CHDH: variants seen among roughly 807,000 people sequenced by gnomAD.
CHDH encodes the protein choline dehydrogenase, also known as choline dehydrogenase, mitochondrial.
A neutral mutation model predicts 56.9 loss-of-function variants in CHDH; 43 were observed. The ratio of observed to expected loss-of-function variants is 0.76; its 90% confidence interval spans 0.59 to 0.97. The LOEUF is 0.97. Among genes scored for constraint, CHDH ranks in the 50% least tolerant of loss-of-function variants. CHDH has a pLI of 0.00. For synonymous variants in CHDH, 364 were observed against 348.5 expected, an observed-to-expected ratio of 1.04 and a Z score of -0.50; for missense variants, 816 against 821.1, an observed-to-expected ratio of 0.99 and a Z score of 0.08.
intron 3 of CHDH, 29 bp downstream of exon 3, chr3:53,823,277 T>A: frequency 6.8e-7 from 1 of 1,473,770 alleles, no homozygotes; most frequent in Non-Finnish European, 9.0e-7. Context: ...GGGGTAGTGC[T>A]TTTTTAAAAA....
In CHDH at chr3:53,819,633, G is replaced by A. The variant is rs142488912; in HGVS notation, c.1162C>T (p.Arg388Cys). The change falls in exon 7 of 9, where the codon CGC becomes TGC. Residue 388 changes from arginine (R) to cysteine (C), a missense_variant. By Grantham distance (180) the Arg-to-Cys change is radical (BLOSUM62 -3). Coordinates refer to ENST00000315251, the MANE Select transcript of CHDH (RefSeq NM_018397.5). The surrounding 1 kb of genome is among the most constrained non-coding windows in gnomAD (Gnocchi z 5.4). ...TAHLETGGFI[R>C]SQPGVPHPDI... ...GGGTGGGGGACCCCAGGCTGGCTGCGGATGAACCCACCTGTTTCCAGATGG... is the reference window on the plus strand; with the variant it reads ...GGGTGGGGGACCCCAGGCTGGCTGCAGATGAACCCACCTGTTTCCAGATGG... The A allele has an allele frequency of 2.4e-5, 38 of 1,611,504 alleles. No homozygotes were observed. The highest frequency in any genetic ancestry group is 1.1e-4 in the African/African-American group (8 of 74,784).
At chr3:53,833,105 G>A (rs1698387560) in intron 2 of CHDH, among the ~76,000 whole-genome samples, 1 of 152,196 alleles carries the variant, frequency 6.6e-6, no homozygotes, top group African/African-American at 2.4e-5. Context: ...AGGCACATGT[G>A]TGTTTGTTGT....
intron 4 of CHDH, 65 bp from the exon 5 acceptor site, chr3:53,821,841 G>A (rs904802840): frequency 1.7e-5 from 27 of 1,587,460 alleles, no homozygotes; most frequent in East Asian, 1.6e-4. Flanking sequence ...ACAGACCAGC[G>A]CCCTACTCTA....
intron 2 of CHDH, among the ~76,000 whole-genome samples, chr3:53,826,176 T>C (rs1311114168): frequency 6.6e-6 from 1 of 152,106 alleles, no homozygotes; most frequent in African/African-American, 2.4e-5. Flanking sequence ...TCACTGGTGA[T>C]TTCTATCAAC....
chr3:53,819,623 G>C lies in CHDH; in HGVS notation c.1172C>G (p.Pro391Arg), dbSNP rs771778664. 2.7e-5 allele frequency: 44 copies of C among 1,612,604 alleles called. No individual in the cohort carries two copies. Among genetic ancestry groups the C allele is most frequent in the Non-Finnish European group, 3.7e-5 (44 of 1,179,178 alleles). ...LETGGFIRSQ[P>R]GVPHPDIQFH... ...CTGGATGTCCGGGTGGGGGACCCCAGGCTGGCTGCGGATGAACCCACCTGT... is the reference window on the plus strand; with the variant it reads ...CTGGATGTCCGGGTGGGGGACCCCACGCTGGCTGCGGATGAACCCACCTGT... The change falls in exon 7 of 9, where the codon CCT (proline) becomes CGT (arginine). Residue 391 changes from proline (P) to arginine (R), a missense_variant. By Grantham distance (103) the Pro-to-Arg change is moderately radical. Transcript: ENST00000315251. This position sits in a 1 kb window ranked among gnomAD's most constrained non-coding sequence, Gnocchi z 5.4.
In CHDH at chr3:53,846,397, C is replaced by T. The variant is rs1395522379; in HGVS notation, c.-445G>A. 1.8e-6 allele frequency: 1 copy of T among 541,354 alleles called. No homozygotes were observed. Among genetic ancestry groups the T allele is most frequent in the Non-Finnish European group, 3.1e-6 (1 of 323,082 alleles). 33.5% of individuals were successfully genotyped at this position (541,354 alleles called of 1,614,324 possible). A position where few individuals can be genotyped will look rare whatever the true frequency, so the allele number is the denominator to read the frequency against. On this transcript the variant is annotated 5_prime_UTR_variant, in exon 1 of 9. Transcript: ENST00000315251. ...CCGCCAGCGCTCGGACACGGCCCAT[C>T]CCTCCGAGCCCCAGCAGGCGAGGGC...
rs201784791 is a variant in CHDH at position 53,823,811 on chromosome 3, G to A, written c.198C>T (p.Arg66=). The A allele has an allele frequency of 2.1e-4, 327 of 1,583,780 alleles. 1 individual carries two copies. The African/African-American group carries it at 3.8e-3, about 18-fold the overall frequency. Residue 66 remains arginine (R), a synonymous_variant, in exon 3 of 9, where the codon CGC becomes CGT. Transcript: ENST00000315251. ...TGGGCCCGGCCTCCAGCAGCAGCACGCGCTCGGCGGGGTCCTCCGTGAGCC... is the reference window on the plus strand; with the variant it reads ...TGGGCCCGGCCTCCAGCAGCAGCACACGCTCGGCGGGGTCCTCCGTGAGCC... ...AGRLTEDPAE[R]VLLLEAGPKD... is the part of the protein sequence containing the mutation.
intron 2 of CHDH, among the ~76,000 whole-genome samples, chr3:53,838,853 G>A (rs922580632): frequency 6.6e-6 from 1 of 152,140 alleles, no homozygotes; most frequent in Admixed American, 6.5e-5. Context: ...AGGCCTAGGG[G>A]GTAGTAGCTT....
chr3:53,822,673 G>C lies in CHDH; in HGVS notation c.704-31C>G, dbSNP rs1237822291. The C allele has an allele frequency of 1.9e-6, 3 of 1,591,886 alleles. No homozygotes were observed. The Admixed American group carries it at 5.0e-5, about 27-fold the overall frequency. On this transcript the variant is annotated intron_variant, in intron 3 of 8. Transcript: ENST00000315251. ...GGATGGAGTGAGGTGGTCAGGCATG[G>C]CTCCGCCCTCCCCTGGCACCTGGGC... is the stretch of plus-strand genomic sequence containing the variant.
Position 53,846,343 on chromosome 3 carries a change from G to A in CHDH, c.-391C>T, listed in dbSNP as rs1372499188. 2.2e-6 allele frequency: 1 copy of A among 451,684 alleles called. No homozygotes were observed. 28.0% of individuals were successfully genotyped at this position (451,684 alleles called of 1,614,324 possible). On this transcript the variant is annotated 5_prime_UTR_variant, in exon 1 of 9. Coordinates refer to ENST00000315251, the MANE Select transcript of CHDH (RefSeq NM_018397.5). ...CTCACTGCATGCACGTGTGCGCGGGGGTAGGCGCGCGCCGCGGCGGCCCGT... is the reference window on the plus strand; with the variant it reads ...CTCACTGCATGCACGTGTGCGCGGGAGTAGGCGCGCGCCGCGGCGGCCCGT...
intron 2 of CHDH, among the ~76,000 whole-genome samples, chr3:53,837,384 G>A (rs973189559): frequency 9.2e-5 from 14 of 152,244 alleles, no homozygotes; most frequent in African/African-American, 3.4e-4. Flanking sequence ...TAGCCCACCT[G>A]CCCTCTGGAT....
At chr3:53,834,950 T>G (rs1374868347) in intron 2 of CHDH, among the ~76,000 whole-genome samples, 1 of 152,232 alleles carries the variant, frequency 6.6e-6, no homozygotes, top group African/African-American at 2.4e-5. Context: ...TGCCTCAAAC[T>G]TGCTCAGCCT....
intron 2 of CHDH, 69 bp from the exon 3 acceptor site, chr3:53,824,136 C>G: frequency 1.1e-6 from 1 of 949,958 alleles, no homozygotes. Context: ...CAACGGCCTG[C>G]CGGGACAGGG....
chr3:53,830,159 T>C (rs886277894), intron 2 of CHDH, among the ~76,000 whole-genome samples: 2 of 151,536 alleles, frequency 1.3e-5, no homozygotes, highest in African/African-American at 4.8e-5. Flanking sequence ...AATTGATTTA[T>C]AGATTCGATG....
In CHDH at chr3:53,822,703, G is replaced by A; in HGVS notation, c.704-61C>T. 2.6e-6 allele frequency: 4 copies of A among 1,562,646 alleles called. No individual in the cohort carries two copies. The Admixed American group carries it at 5.3e-5, about 21-fold the overall frequency. On this transcript the variant is annotated intron_variant, in intron 3 of 8. Transcript: ENST00000315251. ...GCCCTCCCCTGGCACCTGGGCAGGA[G>A]GAAGGAGCTGGAGAAAGAAAGAGTG...
At chr3:53,832,341 A>C (rs955180081) in intron 2 of CHDH, among the ~76,000 whole-genome samples, 15 of 152,162 alleles carry the variant, frequency 9.9e-5, no homozygotes, top group East Asian at 5.8e-4. Context: ...ACCATCCTGG[A>C]TAACATGGTG....
rs776383450 is a variant in CHDH, at chr3:53,815,012, G to A, written c.*2765C>T. ...ATGATGCCTGCAACCTTCGCTACAA[G>A]CAGAAAGACTAGATGTTTGGGTGCC... On this transcript the variant is annotated 3_prime_UTR_variant, in exon 9 of 9. Coordinates refer to ENST00000315251, the MANE Select transcript of CHDH (RefSeq NM_018397.5). 6.6e-6 allele frequency: 1 copy of A among 152,180 alleles called. No individual in the cohort carries two copies. Among genetic ancestry groups the A allele is most frequent in the Non-Finnish European group, 1.5e-5 (1 of 68,056 alleles). The allele number at this position is 152,180 out of a possible 1,614,324, so 9.4% of individuals were successfully genotyped here.
rs1034079713 is a variant in CHDH at position 53,812,560 on chromosome 3, G to A, written c.*5217C>T. On this transcript the variant is annotated 3_prime_UTR_variant, in exon 9 of 9. Coordinates refer to ENST00000315251, the MANE Select transcript of CHDH (RefSeq NM_018397.5). ...CCACCATGGGTTGCAACTGTCTTTGGTTTTGTTTGTTTGACTTGAACCACC... is the reference window on the plus strand; with the variant it reads ...CCACCATGGGTTGCAACTGTCTTTGATTTTGTTTGTTTGACTTGAACCACC... The A allele has an allele frequency of 2.1e-5, 3 of 143,510 alleles. No individual in the cohort carries two copies. Among genetic ancestry groups the A allele is most frequent in the African/African-American group, 8.2e-5 (3 of 36,582 alleles). The allele number at this position is 143,510 out of a possible 1,614,324, so 8.9% of individuals were successfully genotyped here.
intron 1 of CHDH, among the ~76,000 whole-genome samples, chr3:53,843,224 C>T (rs1423508393): frequency 1.3e-5 from 2 of 148,830 alleles, no homozygotes; most frequent in African/African-American, 2.5e-5. Context: ...TCTCCTGCCC[C>T]TAAATTTACA....
Sources: allele counts gnomAD v4.1 joint callset (sites outside exome capture counted in the v4.1 genomes callset), GRCh38; gene constraint gnomAD v4.1.1; non-coding constraint Gnocchi (gnomAD v3.1); transcripts MANE v1.5; gene names NCBI Gene and HGNC (gene_info 2026-07-23, HGNC 2026-07-21).